The following PRKCB variants were observed in gnomAD, a reference collection of about 807,000 sequenced individuals.
The protein encoded by PRKCB is protein kinase C beta.
In PRKCB, 13 loss-of-function variants were observed where a neutral mutation model predicts 81.5. That is an observed-to-expected ratio of 0.16 (90% CI 0.10 to 0.25). The LOEUF is 0.25. Among genes scored for constraint, PRKCB ranks in the 10% least tolerant of loss-of-function variants. The pLI is 1.00. For synonymous variants in PRKCB, 335 were observed against 321.4 expected (o/e 1.04, Z -0.45); for missense variants, 509 against 875.7 (o/e 0.58, Z 5.29).
At position 24,140,875 on chromosome 16, in the gene PRKCB, T is replaced by C. The variant is rs112161968; in HGVS notation, c.1066-13809T>C. 8.7e-4 allele frequency among the ~76,000 whole-genome samples: 132 copies of C among 152,270 alleles called. 1 individual carries two copies. The highest frequency in any genetic ancestry group is 3.1e-3 in the African/African-American group (128 of 41,562). On this transcript the variant is annotated intron_variant, in intron 9 of 16. Coordinates refer to ENST00000643927, the MANE Select transcript of PRKCB (RefSeq NM_002738.7). ...ATTAGTTTTACAAAGGCAGTTTAGT[T>C]TGGGGGAAGGGCTGTTACCATGTAA...
At chr16:24,144,593 G>T (rs901868510) in intron 9 of PRKCB, among the ~76,000 whole-genome samples, 2 of 152,230 alleles carry the variant, frequency 1.3e-5, no homozygotes, top group African/African-American at 4.8e-5. Context: ...GAGCCACCAA[G>T]CCCGGCCACT....
Position 24,032,262 on chromosome 16 carries a change from T to C in PRKCB, c.400+15T>C. ...GAAATGTGACAGTAAGTACTTTTTC[T>C]CTCTGGGGGCATCTGCTGATGGCAG... On this transcript the variant is annotated intron_variant, in intron 4 of 16. Transcript: ENST00000643927. 6.4e-7 allele frequency: 1 copy of C among 1,563,306 alleles called. No homozygotes were observed. Among genetic ancestry groups the C allele is most frequent in the Non-Finnish European group, 8.8e-7 (1 of 1,134,912 alleles).
At chr16:23,860,298 T>C (rs2141089679) in intron 2 of PRKCB, among the ~76,000 whole-genome samples, 1 of 152,224 alleles carries the variant, frequency 6.6e-6, no homozygotes, top group East Asian at 1.9e-4. Flanking sequence ...GGGTGCTTGA[T>C]ACATAGAAAT....
At chr16:24,164,971 T>G (rs779051373) in intron 10 of PRKCB, among the ~76,000 whole-genome samples, 1 of 152,198 alleles carries the variant, frequency 6.6e-6, no homozygotes, top group Non-Finnish European at 1.5e-5. Flanking sequence ...TCCATTTAGT[T>G]AGCCGAAGCC....
intron 2 of PRKCB, among the ~76,000 whole-genome samples, chr16:23,958,013 A>G (rs1411640183): frequency 6.6e-6 from 1 of 152,202 alleles, no homozygotes; most frequent in Non-Finnish European, 1.5e-5. Flanking sequence ...AATATATGAG[A>G]CAGAATCTCA....
At chr16:23,859,226 T>A (rs8051317) in intron 2 of PRKCB, among the ~76,000 whole-genome samples, 7 of 152,122 alleles carry the variant, frequency 4.6e-5, no homozygotes, top group Non-Finnish European at 7.3e-5. Flanking sequence ...GTCTGACTCC[T>A]AGGCTTGAAG....
At chr16:24,212,451 C>CT (rs1479023969) in intron 16 of PRKCB, among the ~76,000 whole-genome samples, 1 of 79,010 alleles carries the variant, frequency 1.3e-5, no homozygotes, top group South Asian at 4.5e-4. Context: ...TCCTCCTGTG[C>CT]TTTTTTTTCC....
intron 6 of PRKCB, among the ~76,000 whole-genome samples, chr16:24,093,365 C>A (rs931901776): frequency 9.2e-5 from 14 of 152,184 alleles, no homozygotes; most frequent in Non-Finnish European, 1.3e-4. Flanking sequence ...ACATCTCCAC[C>A]AGCCTCCCTT....
intron 16 of PRKCB, among the ~76,000 whole-genome samples, chr16:24,201,029 G>A (rs879399312): frequency 9.9e-5 from 15 of 152,100 alleles, no homozygotes; most frequent in African/African-American, 2.9e-4. Flanking sequence ...GTTGGTAGCC[G>A]TCAGCTTCTT....
chr16:24,039,190 C>A (rs930659204), intron 5 of PRKCB, among the ~76,000 whole-genome samples: 3 of 152,124 alleles, frequency 2.0e-5, no homozygotes, highest in Admixed American at 1.3e-4. Context: ...ACTTCCCAGC[C>A]CCCAGAACTG....
In PRKCB at chr16:24,022,052, C is replaced by T. The variant is rs9926307; in HGVS notation, c.289-10084C>T. Reference sequence around the variant, plus strand: ...AACAGGAAATACTGGGAAGAGGAATCGTGCCAGGATCCTGTGGAAACCTGA... The same window carrying T: ...AACAGGAAATACTGGGAAGAGGAATTGTGCCAGGATCCTGTGGAAACCTGA... On this transcript the variant is annotated intron_variant, in intron 3 of 16. Coordinates refer to ENST00000643927, the MANE Select transcript of PRKCB (RefSeq NM_002738.7). Among the ~76,000 whole-genome samples the T allele has an allele frequency of 8.3e-3, 1,269 of 152,208 alleles. 22 individuals are homozygous for T. The East Asian group carries it at 0.093, about 11-fold the overall frequency.
Position 24,123,986 on chromosome 16 carries a change from G to T in PRKCB, c.1065+5G>T. 1 of 1,613,986 alleles carries T rather than the reference G, an allele frequency of 6.2e-7. No homozygotes were observed. Among genetic ancestry groups the T allele is most frequent in the Non-Finnish European group, 8.5e-7 (1 of 1,179,924 alleles). ...GGGAAAGGCAGCTTTGGCAAGGTATGGTATGATTTGGTGGCTCCACCTGCT... is the reference window on the plus strand; with the variant it reads ...GGGAAAGGCAGCTTTGGCAAGGTATTGTATGATTTGGTGGCTCCACCTGCT... On this transcript the variant is annotated splice_donor_5th_base_variant and intron_variant, in intron 9 of 16. Coordinates refer to ENST00000643927, the MANE Select transcript of PRKCB (RefSeq NM_002738.7).
chr16:24,010,072 G>A (rs1366932462), intron 3 of PRKCB, among the ~76,000 whole-genome samples: 1 of 152,164 alleles, frequency 6.6e-6, no homozygotes, highest in Non-Finnish European at 1.5e-5. Context: ...TTTCATATGT[G>A]TGTGTGTGTG....
At chr16:24,028,488 T>A (rs1455665435) in intron 3 of PRKCB, among the ~76,000 whole-genome samples, 1 of 152,258 alleles carries the variant, frequency 6.6e-6, no homozygotes, top group African/African-American at 2.4e-5. Context: ...TGCCTCTTTT[T>A]AGTTAATTCC....
At chr16:23,940,696 T>C (rs1458127851) in intron 2 of PRKCB, among the ~76,000 whole-genome samples, 1 of 152,114 alleles carries the variant, frequency 6.6e-6, no homozygotes, top group African/African-American at 2.4e-5. Context: ...AATATATATA[T>C]GAACAACATG....
intron 2 of PRKCB, among the ~76,000 whole-genome samples, chr16:23,923,173 G>A (rs1347505706): frequency 2.0e-5 from 3 of 152,112 alleles, no homozygotes; most frequent in Admixed American, 2.0e-4. Flanking sequence ...AATTCAGAAG[G>A]GAATTTATTG....
chr16:24,188,979 G>C (rs1174235593), intron 15 of PRKCB, among the ~76,000 whole-genome samples: 1 of 152,198 alleles, frequency 6.6e-6, no homozygotes, highest in Non-Finnish European at 1.5e-5. Flanking sequence ...CGTTATTGAT[G>C]TTATTATCAG....
At chr16:23,851,883 GT>G (rs1962477996) in intron 2 of PRKCB, among the ~76,000 whole-genome samples, 2 of 151,950 alleles carry the variant, frequency 1.3e-5, no homozygotes, top group Non-Finnish European at 2.9e-5. Context: ...TGGTCTGGTA[GT>G]TTGTTATTAG....
intron 9 of PRKCB, among the ~76,000 whole-genome samples, chr16:24,134,592 A>G (rs1210928536): frequency 6.6e-6 from 1 of 151,978 alleles, no homozygotes; most frequent in African/African-American, 2.4e-5. Flanking sequence ...TAAAAATACA[A>G]ATAAAAATTA....
Sources: allele counts gnomAD v4.1 joint callset (sites outside exome capture counted in the v4.1 genomes callset), GRCh38; gene constraint gnomAD v4.1.1; transcripts MANE v1.5; gene names NCBI Gene and HGNC (gene_info 2026-07-23, HGNC 2026-07-21).